Variants in TRIM23 observed in about 807,000 individuals in gnomAD.
TRIM23 encodes E3 ubiquitin-protein ligase TRIM23.
A neutral mutation model predicts 71.0 loss-of-function variants in TRIM23; 27 were observed. The observed-to-expected ratio is 0.38, with a 90% CI of 0.28 to 0.52. TRIM23 has a LOEUF of 0.52. TRIM23 is among the 20% of genes least tolerant of loss of function. The pLI, the probability that TRIM23 is intolerant of heterozygous loss-of-function variation, is 0.84. For missense variants in TRIM23, 482 were observed against 692.3 expected, an observed-to-expected ratio of 0.70 and a Z score of 3.41; for synonymous variants, 234 against 238.0, an observed-to-expected ratio of 0.98 and a Z score of 0.16.
At chr5:65,610,181 G>C (rs1235468737) in intron 5 of TRIM23, among the ~76,000 whole-genome samples, 4 of 152,284 alleles carry the variant, frequency 2.6e-5, no homozygotes, top group East Asian at 1.9e-4. Flanking sequence ...ATTTTAACTA[G>C]AAAACTTTAA....
chr5:65,620,048 G>A (rs565675750), intron 1 of TRIM23, among the ~76,000 whole-genome samples: 6 of 152,206 alleles, frequency 3.9e-5, no homozygotes, highest in African/African-American at 7.2e-5. Flanking sequence ...TCACGCCACC[G>A]CACTCCAGCC....
intron 3 of TRIM23, among the ~76,000 whole-genome samples, chr5:65,613,358 G>A (rs942575950): frequency 1.3e-5 from 2 of 152,144 alleles, no homozygotes; most frequent in Admixed American, 6.5e-5. Context: ...ATCATCTAAT[G>A]AAAGAGAAGT....
In TRIM23 at chr5:65,590,545, A is replaced by C; in HGVS notation, c.*1224T>G. On this transcript the variant is annotated 3_prime_UTR_variant, in exon 11 of 11. Coordinates refer to ENST00000231524, the MANE Select transcript of TRIM23 (RefSeq NM_001656.4). The stretch of plus-strand genomic sequence containing the variant: ...TAACTTCATCCTAATGTATCAGAAC[A>C]TTAAAAAAAAAAAAGTCTCAATGTA... The C allele has an allele frequency of 2.9e-6, 3 of 1,052,194 alleles. No individual in the cohort carries two copies. The highest frequency in any genetic ancestry group is 3.4e-6 in the Non-Finnish European group (3 of 875,010). 65.2% of individuals were successfully genotyped at this position (1,052,194 alleles called of 1,614,324 possible).
At position 65,604,853 on chromosome 5, in the gene TRIM23, C is replaced by T. The variant is rs144742139; in HGVS notation, c.1179+58G>A. On this transcript the variant is annotated intron_variant, in intron 7 of 10. Transcript: ENST00000231524. ...TCTCTTTAAGGTGATTATCATGAAA[C>T]GTAAATCAATTATGATTTGTCAGAA... 1.3e-4 allele frequency: 188 copies of T among 1,474,310 alleles called. 1 individual carries two copies. The East Asian group carries it at 3.1e-3, about 25-fold the overall frequency. The allele number at this position is 1,474,310 out of a possible 1,614,324, so 91.3% of individuals were successfully genotyped here.
chr5:65,611,886 T>C lies in TRIM23; in HGVS notation c.367-5A>G. ...TTCATCACAACGAATGATGCTCTGA[T>C]AAACAAAAAATTAATGCCTTAAAAT... On this transcript the variant is annotated splice_region_variant and splice_polypyrimidine_tract_variant and intron_variant, in intron 3 of 10. Transcript: ENST00000231524. 1 of 1,604,306 alleles carries C rather than the reference T, an allele frequency of 6.2e-7. No individual in the cohort carries two copies. Among genetic ancestry groups the C allele is most frequent in the Non-Finnish European group, 8.5e-7 (1 of 1,172,768 alleles).
At chr5:65,598,299 G>T (rs1370313275) in intron 7 of TRIM23, among the ~76,000 whole-genome samples, 2 of 152,132 alleles carry the variant, frequency 1.3e-5, no homozygotes, top group African/African-American at 4.8e-5. Context: ...AGAAACTACA[G>T]CACCCAGGCC....
chr5:65,596,145 C>T (rs1754199517), intron 9 of TRIM23, among the ~76,000 whole-genome samples: 1 of 152,150 alleles, frequency 6.6e-6, no homozygotes, highest in African/African-American at 2.4e-5. Flanking sequence ...TGGTAATATA[C>T]ACTCTCTGTT....
At chr5:65,593,292 G>A (rs1017952785) in intron 10 of TRIM23, among the ~76,000 whole-genome samples, 9 of 152,050 alleles carry the variant, frequency 5.9e-5, no homozygotes, top group Non-Finnish European at 8.8e-5. Context: ...AAAGTTAGCC[G>A]GGTGTGGTAG....
At chr5:65,619,259 T>C (rs1210761561) in intron 1 of TRIM23, among the ~76,000 whole-genome samples, 1 of 152,170 alleles carries the variant, frequency 6.6e-6, no homozygotes, top group Non-Finnish European at 1.5e-5. Context: ...ATGCTAACAC[T>C]GAGGAAAGGA....
chr5:65,610,702 C>T (rs185575268), intron 5 of TRIM23, among the ~76,000 whole-genome samples, 159 bp downstream of exon 5: 1 of 152,280 alleles, frequency 6.6e-6, no homozygotes, highest in Non-Finnish European at 1.5e-5. Flanking sequence ...CTCTCTTTTC[C>T]ATGATGAATG....
intron 8 of TRIM23, 110 bp from the exon 9 acceptor site, chr5:65,596,641 T>C (rs143714108): frequency 1.3e-5 from 9 of 683,578 alleles, no homozygotes; most frequent in Non-Finnish European, 2.0e-5. Flanking sequence ...ATTATCTACA[T>C]GCAGCAATAT....
intron 2 of TRIM23, among the ~76,000 whole-genome samples, chr5:65,617,578 A>G (rs1254716177): frequency 6.6e-6 from 1 of 152,230 alleles, no homozygotes; most frequent in Non-Finnish European, 1.5e-5. Context: ...TTTTAAAAGT[A>G]TACAGAAAAC....
intron 2 of TRIM23, 142 bp downstream of exon 2, chr5:65,617,951 G>A: frequency 2.5e-6 from 2 of 812,506 alleles, no homozygotes; most frequent in Non-Finnish European, 3.6e-6. Flanking sequence ...GAAGATTATT[G>A]ACCTTAATAG....
At chr5:65,592,015 TTA>T (rs1754052858) in intron 10 of TRIM23, 67 bp from the exon 11 acceptor site, 4 of 1,460,526 alleles carry the variant, frequency 2.7e-6, no homozygotes, top group Non-Finnish European at 3.7e-6. Flanking sequence ...TTATCACCAT[TTA>T]TAGAGAAATT....
At chr5:65,604,653 T>C (rs1381236400) in intron 7 of TRIM23, 2 of 294,776 alleles carry the variant, frequency 6.8e-6, no homozygotes, top group South Asian at 2.4e-4. Context: ...TTTTACTTTT[T>C]TAAATTTAAA....
chr5:65,594,651 C>CAA lies in TRIM23; in HGVS notation c.1421-8_1421-7dup. On this transcript the variant is annotated splice_polypyrimidine_tract_variant and splice_region_variant and intron_variant, in intron 9 of 10. Coordinates refer to ENST00000231524, the MANE Select transcript of TRIM23 (RefSeq NM_001656.4). ...ATCTACAACAAACACAACAGCTACC[C>CAA]AAAAAAAAATAAAAAAAACAAAAAT... The CAA allele has an allele frequency of 2.0e-6, 3 of 1,490,204 alleles. No homozygotes were observed. Among genetic ancestry groups the CAA allele is most frequent in the South Asian group, 1.3e-5 (1 of 74,828 alleles). 92.3% of individuals were successfully genotyped at this position (1,490,204 alleles called of 1,614,324 possible).
At chr5:65,620,522 T>A (rs1267622618) in intron 1 of TRIM23, among the ~76,000 whole-genome samples, 1 of 152,150 alleles carries the variant, frequency 6.6e-6, no homozygotes, top group Non-Finnish European at 1.5e-5. Context: ...TTCATATGAT[T>A]AAAACAAAAA....
chr5:65,613,308 T>G (rs13153212), intron 3 of TRIM23, among the ~76,000 whole-genome samples: 5,605 of 152,296 alleles, frequency 0.037, 177 homozygotes, highest in Middle Eastern at 0.092. Flanking sequence ...TGTTGCAGTT[T>G]GAAATTCATT....
intron 1 of TRIM23, among the ~76,000 whole-genome samples, chr5:65,622,357 G>A (rs1012849422): frequency 3.0e-4 from 46 of 152,176 alleles, no homozygotes; most frequent in African/African-American, 1.1e-3. Context: ...AGTAGAGACG[G>A]GGTTTCGCCA....
Sources: allele counts gnomAD v4.1 joint callset (sites outside exome capture counted in the v4.1 genomes callset), GRCh38; gene constraint gnomAD v4.1.1; transcripts MANE v1.5; gene names NCBI Gene and HGNC (gene_info 2026-07-23, HGNC 2026-07-21).